ZFYVE9: variants seen among roughly 807,000 people sequenced by gnomAD.
ZFYVE9 encodes the protein zinc finger FYVE-type containing 9.
A neutral mutation model predicts 126.7 loss-of-function variants in ZFYVE9; 43 were observed. The ratio of observed to expected loss-of-function variants is 0.34; its 90% CI spans 0.27 to 0.44. ZFYVE9 has a LOEUF of 0.44. ZFYVE9 is among the 20% of genes least tolerant of loss of function. The pLI is 1.00. For synonymous variants in ZFYVE9, 521 were observed against 597.4 expected (o/e 0.87, Z 1.87); for missense variants, 1,476 against 1,697.0 (o/e 0.87, Z 2.29).
At chr1:52,250,170 G>A (rs920642376) in intron 4 of ZFYVE9, among the ~76,000 whole-genome samples, 2 of 152,176 alleles carry the variant, frequency 1.3e-5, no homozygotes, top group African/African-American at 4.8e-5. Context: ...GGTTTTGATA[G>A]AGATTGCGTT....
At chr1:52,205,579 C>T (rs1644971196) in intron 1 of ZFYVE9, among the ~76,000 whole-genome samples, 1 of 150,884 alleles carries the variant, frequency 6.6e-6, no homozygotes, top group African/African-American at 2.5e-5. Flanking sequence ...CGCTATGTTG[C>T]CCAGACTAGC....
At chr1:52,215,656 A>G (rs1026817744) in intron 1 of ZFYVE9, among the ~76,000 whole-genome samples, 9 of 152,218 alleles carry the variant, frequency 5.9e-5, no homozygotes, top group African/African-American at 1.9e-4. Flanking sequence ...ATTAGCTTCA[A>G]CTACTAATCT....
intron 10 of ZFYVE9, among the ~76,000 whole-genome samples, chr1:52,291,632 C>G (rs1645921178): frequency 6.6e-6 from 1 of 152,186 alleles, no homozygotes; most frequent in Non-Finnish European, 1.5e-5. Flanking sequence ...AATCCCAACA[C>G]TTTGGGAGGC....
intron 2 of ZFYVE9, among the ~76,000 whole-genome samples, chr1:52,218,335 A>G (rs1257274491): frequency 6.6e-6 from 1 of 152,188 alleles, no homozygotes; most frequent in Non-Finnish European, 1.5e-5. Flanking sequence ...GAAAAGGTTT[A>G]GGCCCACTAC....
At chr1:52,289,640 G>A (rs1405054710) in intron 10 of ZFYVE9, among the ~76,000 whole-genome samples, 4 of 152,134 alleles carry the variant, frequency 2.6e-5, no homozygotes, top group African/African-American at 4.8e-5. Context: ...TAGGTCTTCA[G>A]ATGAAAGCCT....
At chr1:52,255,925 TTTC>T (rs1192849760) in intron 4 of ZFYVE9, among the ~76,000 whole-genome samples, 3 of 116,536 alleles carry the variant, frequency 2.6e-5, no homozygotes, top group African/African-American at 9.3e-5. Flanking sequence ...TTTCTTTTCT[TTTC>T]TTTTCTTTTC....
intron 1 of ZFYVE9, among the ~76,000 whole-genome samples, chr1:52,159,018 T>C (rs1644429843): frequency 6.6e-6 from 1 of 152,082 alleles, no homozygotes; most frequent in Admixed American, 6.6e-5. Flanking sequence ...GGTCTCGATC[T>C]CCTGACCTCG....
At chr1:52,310,972 T>C (rs1407216857) in intron 13 of ZFYVE9, among the ~76,000 whole-genome samples, 1 of 152,086 alleles carries the variant, frequency 6.6e-6, no homozygotes, top group Non-Finnish European at 1.5e-5. Flanking sequence ...ATCAAGGGAT[T>C]CCCCCACTTC....
intron 1 of ZFYVE9, among the ~76,000 whole-genome samples, chr1:52,168,391 A>G (rs1179301113): frequency 6.6e-6 from 1 of 151,342 alleles, no homozygotes; most frequent in African/African-American, 2.4e-5. Flanking sequence ...TAGATTGTGT[A>G]TTTTCAATAG....
intron 2 of ZFYVE9, among the ~76,000 whole-genome samples, chr1:52,228,838 C>G (rs1279560554): frequency 1.3e-5 from 2 of 151,560 alleles, no homozygotes; most frequent in Non-Finnish European, 1.5e-5. Context: ...AAGTCAGTGC[C>G]TGACACTTGG....
intron 17 of ZFYVE9, among the ~76,000 whole-genome samples, chr1:52,341,590 A>C (rs541424768): frequency 1.3e-5 from 2 of 152,232 alleles, no homozygotes; most frequent in Admixed American, 1.3e-4. Flanking sequence ...AAAGGATTAA[A>C]TTATAAGATC....
chr1:52,165,515 G>A (rs1644505334), intron 1 of ZFYVE9, among the ~76,000 whole-genome samples: 2 of 152,122 alleles, frequency 1.3e-5, no homozygotes, highest in African/African-American at 2.4e-5. Flanking sequence ...GTTGAGACCT[G>A]GGGGAAAATA....
At chr1:52,320,067 A>G (rs1646224430) in intron 13 of ZFYVE9, among the ~76,000 whole-genome samples, 1 of 83,674 alleles carries the variant, frequency 1.2e-5, no homozygotes, top group African/African-American at 3.7e-5. Flanking sequence ...TTCTTAGATG[A>G]TGTTAAGACC....
intron 9 of ZFYVE9, among the ~76,000 whole-genome samples, chr1:52,279,904 T>TA (rs1645785123): frequency 6.6e-6 from 1 of 152,210 alleles, no homozygotes; most frequent in Admixed American, 6.5e-5. Flanking sequence ...ACCAGAAACA[T>TA]ATACTACTTC....
At chr1:52,280,734 G>A (rs1456350943) in intron 9 of ZFYVE9, among the ~76,000 whole-genome samples, 1 of 152,162 alleles carries the variant, frequency 6.6e-6, no homozygotes, top group Non-Finnish European at 1.5e-5. Context: ...TTTACAGCAT[G>A]AAGCCAAGTA....
chr1:52,282,315 A>G (rs978865325), intron 10 of ZFYVE9, among the ~76,000 whole-genome samples: 1 of 152,214 alleles, frequency 6.6e-6, no homozygotes, highest in Non-Finnish European at 1.5e-5. Context: ...ATTAACATAA[A>G]AAGAAACTAA....
At chr1:52,296,116 T>A in intron 12 of ZFYVE9, 139 bp downstream of exon 12, 1 of 573,296 alleles carries the variant, frequency 1.7e-6, no homozygotes. Flanking sequence ...AAAAGAACAG[T>A]ATATGTATGT....
chr1:52,189,330 G>C (rs1644796121), intron 1 of ZFYVE9, among the ~76,000 whole-genome samples: 1 of 150,960 alleles, frequency 6.6e-6, no homozygotes, highest in South Asian at 2.1e-4. Flanking sequence ...TCTGCCTCCT[G>C]GGTTGAAGTG....
chr1:52,278,364 C>A, intron 8 of ZFYVE9, 128 bp from the exon 9 acceptor site: 1 of 1,205,406 alleles, frequency 8.3e-7, no homozygotes. Flanking sequence ...AAACCATGCT[C>A]TGTATGCACC....
Sources: gnomAD v4.1 joint callset for allele counts (sites outside exome capture counted in the v4.1 genomes callset) on GRCh38, gnomAD v4.1.1 for gene constraint, MANE v1.5 for transcripts, NCBI Gene and HGNC (gene_info 2026-07-23, HGNC 2026-07-21) for gene names.